The following SLC35D4 variants were observed in gnomAD, a reference collection of about 807,000 sequenced individuals.
SLC35D4 encodes UDP-N-acetylglucosamine transporter SLC35D4.
chr18:23,281,295 A>G, the SLC35D4 span, among the ~76,000 whole-genome samples: 2 of 152,106 alleles, frequency 1.3e-5, no homozygotes, highest in Admixed American at 6.5e-5. Flanking sequence ...AGGGCATGTG[A>G]ATTATATTTC....
chr18:23,271,568 G>T, the SLC35D4 span, among the ~76,000 whole-genome samples: 1 of 152,084 alleles, frequency 6.6e-6, no homozygotes, highest in African/African-American at 2.4e-5. Flanking sequence ...AATTTCCTGA[G>T]TTATAGACAG....
At chr18:23,418,351 T>TAA in the SLC35D4 span, among the ~76,000 whole-genome samples, 10 of 132,986 alleles carry the variant, frequency 7.5e-5, no homozygotes, top group African/African-American at 3.1e-4. Flanking sequence ...GAAGCCAAAA[T>TAA]TATTATTATT....
the SLC35D4 span, among the ~76,000 whole-genome samples, chr18:23,427,496 G>A: frequency 7.9e-5 from 12 of 151,780 alleles, no homozygotes; most frequent in East Asian, 9.7e-4. Context: ...TTAGAATGGC[G>A]ATCATTAAAA....
At chr18:23,256,988 G>C in the SLC35D4 span, among the ~76,000 whole-genome samples, 3 of 152,298 alleles carry the variant, frequency 2.0e-5, no homozygotes, top group East Asian at 5.8e-4. Context: ...AGGATTAAAT[G>C]ATGTCATAAG....
the SLC35D4 span, among the ~76,000 whole-genome samples, chr18:23,323,010 C>G: frequency 6.6e-6 from 1 of 152,178 alleles, no homozygotes; most frequent in African/African-American, 2.4e-5. Context: ...TTTTGTCCTG[C>G]TAGCTAGAAA....
chr18:23,437,780 C>T, the SLC35D4 span: 2 of 1,610,950 alleles, frequency 1.2e-6, no homozygotes, highest in Non-Finnish European at 1.7e-6. Context: ...CGCCCCCTCA[C>T]CTTGTTCGTG....
the SLC35D4 span, among the ~76,000 whole-genome samples, chr18:23,316,367 C>T: frequency 2.6e-5 from 4 of 152,174 alleles, no homozygotes; most frequent in Non-Finnish European, 4.4e-5. Context: ...TGAGAGCAGG[C>T]TCTTTTTCTC....
At chr18:23,368,722 T>C in the SLC35D4 span, 2 of 1,418,726 alleles carry the variant, frequency 1.4e-6, no homozygotes, top group Non-Finnish European at 9.8e-7. Flanking sequence ...TACCTGAATA[T>C]ATAGTTTAAG....
the SLC35D4 span, among the ~76,000 whole-genome samples, chr18:23,375,604 A>G: frequency 2.0e-5 from 3 of 152,318 alleles, no homozygotes; most frequent in East Asian, 5.8e-4. Flanking sequence ...ACATACTAAA[A>G]TATTTACAGA....
the SLC35D4 span, among the ~76,000 whole-genome samples, chr18:23,431,189 A>G: frequency 6.6e-6 from 1 of 151,538 alleles, no homozygotes; most frequent in Non-Finnish European, 1.5e-5. Context: ...GTAAAGAAAA[A>G]GAAAAGAAAA....
chr18:23,304,209 G>A, the SLC35D4 span, among the ~76,000 whole-genome samples: 4 of 149,658 alleles, frequency 2.7e-5, no homozygotes, highest in East Asian at 1.9e-4. Flanking sequence ...CCCAGGAGGC[G>A]GAGCTTGCAG....
the SLC35D4 span, among the ~76,000 whole-genome samples, chr18:23,434,592 A>G: frequency 6.6e-6 from 1 of 152,042 alleles, no homozygotes; most frequent in African/African-American, 2.4e-5. Context: ...GGAGTTAAAA[A>G]CTAGCCTGAG....
the SLC35D4 span, among the ~76,000 whole-genome samples, chr18:23,329,761 G>A: frequency 4.6e-5 from 7 of 152,206 alleles, no homozygotes; most frequent in African/African-American, 1.4e-4. Flanking sequence ...GCACATGTAT[G>A]TTTATTGCAG....
At chr18:23,273,956 G>A in the SLC35D4 span, among the ~76,000 whole-genome samples, 2 of 151,538 alleles carry the variant, frequency 1.3e-5, no homozygotes, top group Admixed American at 6.6e-5. Context: ...TTTTTGCGAC[G>A]AGGTCTCACT....
the SLC35D4 span, among the ~76,000 whole-genome samples, chr18:23,361,547 G>A: frequency 5.9e-5 from 9 of 152,036 alleles, no homozygotes; most frequent in Non-Finnish European, 1.3e-4. Context: ...TCTGTACCTG[G>A]CCTCTGCAAT....
chr18:23,333,035 CT>C, the SLC35D4 span, among the ~76,000 whole-genome samples: 6 of 152,028 alleles, frequency 3.9e-5, no homozygotes, highest in African/African-American at 1.5e-4. Context: ...AATACATTTG[CT>C]GACATAACAT....
the SLC35D4 span, among the ~76,000 whole-genome samples, chr18:23,403,693 A>G: frequency 6.6e-6 from 1 of 152,212 alleles, no homozygotes; most frequent in South Asian, 2.1e-4. Context: ...GCTTGACTGG[A>G]GAAAATCATG....
At chr18:23,360,436 C>G in the SLC35D4 span, among the ~76,000 whole-genome samples, 1 of 152,108 alleles carries the variant, frequency 6.6e-6, no homozygotes, top group Non-Finnish European at 1.5e-5. Flanking sequence ...ACAATGGAAC[C>G]CTACCAGCAA....
At chr18:23,360,168 T>C in the SLC35D4 span, among the ~76,000 whole-genome samples, 1 of 152,216 alleles carries the variant, frequency 6.6e-6, no homozygotes, top group African/African-American at 2.4e-5. Context: ...GGTAAGGATG[T>C]GGAGCAACTG....
Sources: allele counts gnomAD v4.1 joint callset (sites outside exome capture counted in the v4.1 genomes callset), GRCh38; gene constraint gnomAD v4.1.1; transcripts MANE v1.5; gene names NCBI Gene and HGNC (gene_info 2026-07-23, HGNC 2026-07-21).